TSPAN5: variants seen among roughly 807,000 people sequenced by gnomAD.
TSPAN5 encodes the protein tetraspanin-5.
A neutral mutation model predicts 37.1 loss-of-function variants in TSPAN5; 10 were observed. That is an observed-to-expected ratio of 0.27 (90% CI 0.17 to 0.46). The LOEUF (loss-of-function observed/expected upper bound fraction) is 0.46, where lower values mean the gene tolerates loss of function less well. Among genes scored for constraint, TSPAN5 ranks in the 20% least tolerant of loss-of-function variants. TSPAN5 has a pLI of 1.00. For missense variants in TSPAN5, 195 were observed against 326.6 expected, an observed-to-expected ratio of 0.60 and a Z score of 3.11; for synonymous variants, 110 against 118.9, an observed-to-expected ratio of 0.93 and a Z score of 0.48.
At position 98,599,745 on chromosome 4, in the gene TSPAN5, T is replaced by C. The variant is rs145445376; in HGVS notation, c.81+58401A>G. 6.0e-4 allele frequency among the ~76,000 whole-genome samples: 91 copies of C among 152,386 alleles called. 1 individual carries two copies. Among genetic ancestry groups the C allele is most frequent in the Middle Eastern group, 3.4e-3 (1 of 294 alleles). On this transcript the variant is annotated intron_variant, in intron 1 of 7. Transcript: ENST00000305798. ...TTTCTGGAATTCATGCATGCTGTTG[T>C]ATGTATCTGTAAATTTGTTCCCTTT...
chr4:98,529,922 T>C (rs1754043801), intron 1 of TSPAN5, among the ~76,000 whole-genome samples: 1 of 152,156 alleles, frequency 6.6e-6, no homozygotes, highest in Admixed American at 6.5e-5. Context: ...AAAACTAAGA[T>C]TTTGAGTATG....
intron 5 of TSPAN5, among the ~76,000 whole-genome samples, chr4:98,478,339 G>A (rs1560505154): frequency 6.6e-6 from 1 of 152,226 alleles, no homozygotes; most frequent in East Asian, 1.9e-4. Flanking sequence ...CCACTCCATT[G>A]CCTGCTAGCA....
intron 1 of TSPAN5, among the ~76,000 whole-genome samples, chr4:98,560,668 T>C (rs1215565997): frequency 6.6e-6 from 1 of 152,244 alleles, no homozygotes; most frequent in Non-Finnish European, 1.5e-5. Context: ...ATTCTGTAGA[T>C]AGAACAATGA....
chr4:98,603,679 C>A (rs1394369308), intron 1 of TSPAN5, among the ~76,000 whole-genome samples: 1 of 152,174 alleles, frequency 6.6e-6, no homozygotes, highest in Non-Finnish European at 1.5e-5. Flanking sequence ...AACACACACA[C>A]TCAAGTGGAT....
chr4:98,542,999 T>C (rs747541859), intron 1 of TSPAN5, among the ~76,000 whole-genome samples: 14 of 152,104 alleles, frequency 9.2e-5, no homozygotes, highest in Non-Finnish European at 2.1e-4. Context: ...TCTCAAAACA[T>C]TCCTAGTACT....
At chr4:98,487,014 G>T in intron 2 of TSPAN5, 130 bp from the exon 3 acceptor site, 1 of 791,732 alleles carries the variant, frequency 1.3e-6, no homozygotes, top group Non-Finnish European at 2.0e-6. Flanking sequence ...TATCAGGTAT[G>T]TGATTAATAC....
At chr4:98,549,954 T>G (rs1173620967) in intron 1 of TSPAN5, among the ~76,000 whole-genome samples, 1 of 152,154 alleles carries the variant, frequency 6.6e-6, no homozygotes, top group Non-Finnish European at 1.5e-5. Flanking sequence ...TGGTCATAAA[T>G]TCTTTGCCTG....
chr4:98,515,198 A>G (rs917266889), intron 1 of TSPAN5, among the ~76,000 whole-genome samples: 3 of 151,884 alleles, frequency 2.0e-5, no homozygotes, highest in African/African-American at 7.3e-5. Flanking sequence ...TGTGGTGAGG[A>G]CTCTGGTTTC....
intron 1 of TSPAN5, among the ~76,000 whole-genome samples, chr4:98,528,970 G>A (rs1754021560): frequency 6.6e-6 from 1 of 152,260 alleles, no homozygotes. Context: ...TTTAACAGGT[G>A]AGGAAACAGT....
At chr4:98,641,049 G>A (rs1029031844) in intron 1 of TSPAN5, among the ~76,000 whole-genome samples, 1 of 152,200 alleles carries the variant, frequency 6.6e-6, no homozygotes, top group Non-Finnish European at 1.5e-5. Context: ...AATCCAGGCA[G>A]TCTCACCCTT....
At chr4:98,600,104 G>A (rs1020640785) in intron 1 of TSPAN5, among the ~76,000 whole-genome samples, 2 of 152,132 alleles carry the variant, frequency 1.3e-5, no homozygotes, top group Non-Finnish European at 2.9e-5. Flanking sequence ...CATCTAGTAA[G>A]TGTGCAATGC....
chr4:98,534,730 T>C (rs1235478041), intron 1 of TSPAN5, among the ~76,000 whole-genome samples: 1 of 152,242 alleles, frequency 6.6e-6, no homozygotes, highest in Non-Finnish European at 1.5e-5. Context: ...TTTAGGATAG[T>C]TAGCTCTTCT....
chr4:98,572,945 T>C (rs555053072), intron 1 of TSPAN5, among the ~76,000 whole-genome samples: 1 of 152,234 alleles, frequency 6.6e-6, no homozygotes, highest in African/African-American at 2.4e-5. Flanking sequence ...ATAATTAGCC[T>C]GTAGGTCACC....
At chr4:98,554,064 CT>C (rs756672007) in intron 1 of TSPAN5, among the ~76,000 whole-genome samples, 19 of 149,632 alleles carry the variant, frequency 1.3e-4, no homozygotes, top group Non-Finnish European at 1.9e-4. Flanking sequence ...GAGACTCTAT[CT>C]AAAAAAAAAA....
chr4:98,610,475 T>C (rs1756156103), intron 1 of TSPAN5, among the ~76,000 whole-genome samples: 1 of 152,206 alleles, frequency 6.6e-6, no homozygotes, highest in South Asian at 2.1e-4. Context: ...GTAAATCAAC[T>C]CCAACTTCCC....
intron 5 of TSPAN5, among the ~76,000 whole-genome samples, chr4:98,478,172 CAA>C (rs1416710839): frequency 1.3e-5 from 2 of 152,178 alleles, no homozygotes. Flanking sequence ...TATCTTGTCT[CAA>C]ACTCTCCTCC....
chr4:98,591,390 TAC>T (rs1284769266), intron 1 of TSPAN5, among the ~76,000 whole-genome samples: 1 of 120,888 alleles, frequency 8.3e-6, no homozygotes, highest in African/African-American at 3.5e-5. Context: ...CACTTAATAA[TAC>T]ACTTTTAAAT....
intron 1 of TSPAN5, among the ~76,000 whole-genome samples, chr4:98,618,344 C>T (rs1219707167): frequency 2.6e-5 from 4 of 151,988 alleles, no homozygotes; most frequent in Non-Finnish European, 5.9e-5. Context: ...AGACCTAAGG[C>T]ACTGTGAACT....
At chr4:98,533,962 A>AAAAAAAAAAAAAAAAAAC (rs70955935) in intron 1 of TSPAN5, among the ~76,000 whole-genome samples, 2 of 147,166 alleles carry the variant, frequency 1.4e-5, no homozygotes, top group African/African-American at 5.0e-5. Flanking sequence ...AAAAAAAAAA[A>AAAAAAAAAAAAAAAAAAC]CCAGCTCCTG....
Sources: gnomAD v4.1 joint callset for allele counts (sites outside exome capture counted in the v4.1 genomes callset) on GRCh38, gnomAD v4.1.1 for gene constraint, MANE v1.5 for transcripts, NCBI Gene and HGNC (gene_info 2026-07-23, HGNC 2026-07-21) for gene names.